The following KALRN variants were observed in gnomAD, a reference collection of about 807,000 sequenced individuals.
KALRN encodes the protein kalirin.
In KALRN, 70 loss-of-function variants were observed where a neutral mutation model predicts 353.7. The observed-to-expected ratio is 0.20, with a 90% confidence interval of 0.16 to 0.24. KALRN has a LOEUF of 0.24. Ranked by LOEUF, KALRN falls within the 10% of genes least tolerant of loss-of-function variation. The pLI is 1.00. For missense variants in KALRN, 2,791 were observed against 3,756.7 expected (o/e 0.74, Z 6.72); for synonymous variants, 1,391 against 1,434.8 (o/e 0.97, Z 0.69).
intron 1 of KALRN, among the ~76,000 whole-genome samples, chr3:124,084,619 G>C (rs201246938): frequency 6.6e-6 from 1 of 152,222 alleles, no homozygotes; most frequent in Non-Finnish European, 1.5e-5. Flanking sequence ...CCCCAAGGGA[G>C]CCCAAGTACT....
rs1260147866 is a variant in KALRN at position 124,497,459 on chromosome 3, G to T, written c.4935+1046G>T. Among the ~76,000 whole-genome samples, 7 of 151,778 alleles carry T rather than the reference G, an allele frequency of 4.6e-5. No individual in the cohort carries two copies. In the East Asian group the frequency reaches 1.4e-3, roughly 29 times the overall value. The stretch of plus-strand genomic sequence containing the variant: ...TTTTTCCTATTTTTTCTTGCTGGGA[G>T]AAAAAAAACCATTGAGACCTTAGTG... On this transcript the variant is annotated intron_variant, in intron 33 of 59. Coordinates refer to ENST00000682506, the MANE Select transcript of KALRN (RefSeq NM_001388419.1).
At chr3:124,666,718 G>C in intron 46 of KALRN, 84 bp downstream of exon 46, 1 of 1,110,964 alleles carries the variant, frequency 9.0e-7, no homozygotes, top group Non-Finnish European at 1.3e-6. Context: ...CCCTGGAGTT[G>C]TGACATCCAG....
At chr3:124,324,421 A>C (rs1341453024) in intron 6 of KALRN, among the ~76,000 whole-genome samples, 1 of 152,096 alleles carries the variant, frequency 6.6e-6, no homozygotes, top group Non-Finnish European at 1.5e-5. Flanking sequence ...TTCCATAAAT[A>C]GAGTTTAATT....
intron 3 of KALRN, among the ~76,000 whole-genome samples, chr3:124,235,264 A>C (rs1309595539): frequency 6.6e-6 from 1 of 152,162 alleles, no homozygotes; most frequent in Non-Finnish European, 1.5e-5. Flanking sequence ...GAGAGTGAAA[A>C]TTGGTTCTTG....
intron 1 of KALRN, among the ~76,000 whole-genome samples, chr3:124,207,782 C>T (rs1445528615): frequency 6.6e-6 from 1 of 152,168 alleles, no homozygotes; most frequent in African/African-American, 2.4e-5. Flanking sequence ...CACTTAGGAG[C>T]CTGCACTTAG....
At chr3:124,264,759 T>C in intron 4 of KALRN, 69 bp downstream of exon 4, 1 of 1,327,736 alleles carries the variant, frequency 7.5e-7, no homozygotes, top group Non-Finnish European at 1.1e-6. Flanking sequence ...ATTTCTCACG[T>C]CCTCTTCTCT....
intron 1 of KALRN, among the ~76,000 whole-genome samples, chr3:124,120,714 ATATATATAT>A (rs1560004822): frequency 5.4e-5 from 1 of 18,552 alleles, no homozygotes; most frequent in African/African-American, 1.0e-4. Flanking sequence ...TACTAAAAAT[ATATATATAT>A]ATATATATAT....
intron 1 of KALRN, among the ~76,000 whole-genome samples, chr3:124,177,686 G>T (rs1396094738): frequency 1.3e-5 from 2 of 152,152 alleles, no homozygotes; most frequent in Non-Finnish European, 2.9e-5. Flanking sequence ...GGGAGTTGGG[G>T]GGTCCCAAAT....
Position 124,298,810 on chromosome 3 carries a change from A to T in KALRN, c.989A>T (p.His330Leu). ...DAEKMFDWIS[H>L]NKELFLQSHT... ...CTCTAGATGTTTGACTGGATAAGCC[A>T]CAACAAGGAGTTATTCCTCCAGAGC... The change falls in exon 6 of 60, where the codon CAC becomes CTC. Residue 330 changes from histidine (H) to leucine (L), a missense_variant. Around this residue, in one of 11 missense-constraint regions of KALRN, gnomAD observed 366 missense variants for 489.2 expected, o/e 0.75. Transcript: ENST00000682506. 1 of 1,614,176 alleles carries T rather than the reference A, an allele frequency of 6.2e-7. No individual in the cohort carries two copies. The highest frequency in any genetic ancestry group is 2.2e-5 in the East Asian group (1 of 44,882).
intron 36 of KALRN, 130 bp from the exon 37 acceptor site, chr3:124,637,078 C>G (rs1578535421): frequency 2.7e-6 from 2 of 734,024 alleles, no homozygotes; most frequent in East Asian, 2.5e-5. Flanking sequence ...CCTCTGTCAC[C>G]TCTTCCGTCT....
intron 1 of KALRN, among the ~76,000 whole-genome samples, chr3:124,154,027 C>T (rs879496951): frequency 3.9e-5 from 6 of 152,150 alleles, no homozygotes; most frequent in Non-Finnish European, 8.8e-5. Flanking sequence ...TGCCCTTTGT[C>T]AGATGAGTAG....
intron 34 of KALRN, among the ~76,000 whole-genome samples, chr3:124,601,593 A>G (rs765515732): frequency 2.0e-5 from 3 of 152,242 alleles, no homozygotes; most frequent in Non-Finnish European, 4.4e-5. Flanking sequence ...CAACCAGGTC[A>G]CTATTAAGGA....
chr3:124,051,134 ATGT>A (rs758223987), intron 1 of KALRN, among the ~76,000 whole-genome samples: 17 of 152,176 alleles, frequency 1.1e-4, no homozygotes, highest in Non-Finnish European at 2.2e-4. Flanking sequence ...CAAGGGTGTG[ATGT>A]TGTTGATTCT....
intron 3 of KALRN, among the ~76,000 whole-genome samples, chr3:124,259,511 C>T (rs1233850541): frequency 6.6e-6 from 1 of 152,162 alleles, no homozygotes; most frequent in East Asian, 1.9e-4. Context: ...TTTAAGACAA[C>T]CCTGTAATTA....
chr3:124,666,090 C>G (rs1031533000), intron 45 of KALRN, among the ~76,000 whole-genome samples: 4 of 152,176 alleles, frequency 2.6e-5, no homozygotes, highest in Admixed American at 6.5e-5. Context: ...CCACTTGCAG[C>G]TCCAAGTGTC....
At chr3:124,171,482 C>T (rs751997485) in intron 1 of KALRN, among the ~76,000 whole-genome samples, 20 of 152,136 alleles carry the variant, frequency 1.3e-4, no homozygotes, top group Non-Finnish European at 2.5e-4. Flanking sequence ...TGAAAGAGAA[C>T]GAGAGCGGAA....
intron 45 of KALRN, among the ~76,000 whole-genome samples, chr3:124,665,801 G>C (rs536309596): frequency 6.6e-5 from 10 of 152,262 alleles, no homozygotes; most frequent in African/African-American, 2.4e-4. Flanking sequence ...ACCCAGAAAA[G>C]TATCTACCAG....
intron 14 of KALRN, among the ~76,000 whole-genome samples, chr3:124,419,937 G>A (rs777411137): frequency 2.0e-5 from 3 of 152,180 alleles, no homozygotes; most frequent in South Asian, 2.1e-4. Flanking sequence ...GCCTGCTGCC[G>A]ATTGACAGAT....
intron 34 of KALRN, among the ~76,000 whole-genome samples, chr3:124,622,521 A>G (rs1297074685): frequency 6.6e-6 from 1 of 152,222 alleles, no homozygotes; most frequent in African/African-American, 2.4e-5. Context: ...AAGCCAATGT[A>G]GAAAATAGTG....
Sources: gnomAD v4.1 joint callset for allele counts (sites outside exome capture counted in the v4.1 genomes callset) on GRCh38, gnomAD v4.1.1 for gene constraint, gnomAD v4.1.1 regional missense constraint, MANE v1.5 for transcripts, NCBI Gene and HGNC (gene_info 2026-07-23, HGNC 2026-07-21) for gene names.